The following EBF1 variants were observed in gnomAD, a reference collection of about 807,000 sequenced individuals.
The protein encoded by EBF1 is EBF transcription factor 1.
Under a neutral mutation model 68.4 loss-of-function variants are expected in EBF1, and 10 were observed. The ratio of observed to expected loss-of-function variants is 0.15; its 90% CI spans 0.09 to 0.25. EBF1 has a LOEUF of 0.25. EBF1 is among the 10% of genes least tolerant of loss of function. The probability of loss-of-function intolerance (pLI) is 1.00; values close to 1 mark genes in which losing one functional copy is unlikely to be tolerated. For synonymous variants in EBF1, 298 were observed against 299.8 expected (o/e 0.99, Z 0.06); for missense variants, 509 against 794.4 (o/e 0.64, Z 4.32).
chr5:158,988,247 T>C (rs1759531995), intron 6 of EBF1, among the ~76,000 whole-genome samples: 1 of 152,176 alleles, frequency 6.6e-6, no homozygotes, highest in Non-Finnish European at 1.5e-5. Context: ...CTTCTCTTCG[T>C]AATTGTACTT....
chr5:158,918,530 A>G (rs1583161069), intron 6 of EBF1, among the ~76,000 whole-genome samples: 1 of 152,246 alleles, frequency 6.6e-6, no homozygotes, highest in African/African-American at 2.4e-5. Context: ...TAAGAGATAA[A>G]GAGATTGAGA....
chr5:158,867,282 G>A (rs138253409), intron 6 of EBF1, among the ~76,000 whole-genome samples: 91 of 152,246 alleles, frequency 6.0e-4, no homozygotes, highest in African/African-American at 1.9e-3. Flanking sequence ...TGGGTGTTGG[G>A]TTGGAAGAGG....
intron 6 of EBF1, among the ~76,000 whole-genome samples, chr5:158,998,970 G>A (rs185687837): frequency 1.6e-4 from 24 of 152,004 alleles, no homozygotes; most frequent in South Asian, 6.2e-4. Flanking sequence ...TACACCCAAA[G>A]CATTTCTCTG....
chr5:159,001,009 T>C (rs1762421782), intron 6 of EBF1, among the ~76,000 whole-genome samples: 1 of 152,198 alleles, frequency 6.6e-6, no homozygotes, highest in Non-Finnish European at 1.5e-5. Context: ...CCTCTTTTTT[T>C]CCAACTATAT....
At chr5:158,770,970 T>G (rs941701712) in intron 10 of EBF1, among the ~76,000 whole-genome samples, 1 of 152,192 alleles carries the variant, frequency 6.6e-6, no homozygotes, top group African/African-American at 2.4e-5. Flanking sequence ...TTTCAGGACT[T>G]GGCCTAGAAC....
Position 158,823,283 on chromosome 5 carries a change from T to A in EBF1, c.671A>T (p.His224Leu). 1 of 1,613,904 alleles carries A rather than the reference T, an allele frequency of 6.2e-7. No individual in the cohort carries two copies. Among genetic ancestry groups the A allele is most frequent in the Non-Finnish European group, 8.5e-7 (1 of 1,179,882 alleles). ...VVSTTVNVDG[H>L]VLAVSDNMFV... ...CATGTTATCAGAGACTGCCAGGACA[T>A]GGCCATCCACATTGACTGTCGTAGA... Residue 224 changes from histidine (H) to leucine (L), a missense_variant, in exon 8 of 16, where the codon CAT (histidine) becomes CTT (leucine). Transcript: ENST00000313708.
At chr5:158,805,667 C>T (rs1024530834) in intron 8 of EBF1, among the ~76,000 whole-genome samples, 2 of 151,966 alleles carry the variant, frequency 1.3e-5, no homozygotes, top group Non-Finnish European at 2.9e-5. Flanking sequence ...TTTTGTCTTT[C>T]TCTTCCTATT....
chr5:158,897,121 A>G (rs1802327930), intron 6 of EBF1, among the ~76,000 whole-genome samples: 1 of 152,202 alleles, frequency 6.6e-6, no homozygotes. Context: ...ATGAACGTGT[A>G]TGTTCATGCA....
intron 10 of EBF1, among the ~76,000 whole-genome samples, chr5:158,744,128 TG>T (rs1414016529): frequency 6.6e-6 from 1 of 151,686 alleles, no homozygotes; most frequent in Non-Finnish European, 1.5e-5. Context: ...CACTGCAGCC[TG>T]GGCAACAAAG....
intron 6 of EBF1, among the ~76,000 whole-genome samples, chr5:159,033,201 C>T (rs1015822693): frequency 6.6e-6 from 1 of 152,194 alleles, no homozygotes; most frequent in African/African-American, 2.4e-5. Flanking sequence ...CACACGTTTA[C>T]CCGCTTTGCA....
At chr5:159,074,208 G>T (rs533302061) in intron 5 of EBF1, among the ~76,000 whole-genome samples, 1 of 152,308 alleles carries the variant, frequency 6.6e-6, no homozygotes, top group South Asian at 2.1e-4. Context: ...AGAAGGAAGA[G>T]CCTATGGGCT....
Position 158,714,103 on chromosome 5 carries a change from C to G in EBF1, c.1191+14G>C. The G allele has an allele frequency of 6.2e-7, 1 of 1,613,984 alleles. No individual in the cohort carries two copies. Among genetic ancestry groups the G allele is most frequent in the South Asian group, 1.1e-5 (1 of 91,072 alleles). Reference sequence around the variant, plus strand: ...TGTGGCAGTCCACACAGGCTAGACACCCACAGCGCTCACCTGGTTGTTGTG... The same window carrying G: ...TGTGGCAGTCCACACAGGCTAGACAGCCACAGCGCTCACCTGGTTGTTGTG... On this transcript the variant is annotated intron_variant, in intron 12 of 15. Coordinates refer to ENST00000313708, the MANE Select transcript of EBF1 (RefSeq NM_024007.5).
chr5:158,885,113 T>G (rs1018759683), intron 6 of EBF1, among the ~76,000 whole-genome samples: 33 of 152,200 alleles, frequency 2.2e-4, no homozygotes, highest in African/African-American at 8.0e-4. Context: ...GGTCTATGAC[T>G]GTTTGGGGAT....
At chr5:158,967,523 C>G (rs1754414783) in intron 6 of EBF1, among the ~76,000 whole-genome samples, 1 of 152,170 alleles carries the variant, frequency 6.6e-6, no homozygotes, top group African/African-American at 2.4e-5. Flanking sequence ...TAATCTAAAA[C>G]TCATCCATAT....
In EBF1 at chr5:158,701,815, G is replaced by T. The variant is rs143942607; in HGVS notation, c.1745-2673C>A. On this transcript the variant is annotated intron_variant, in intron 15 of 15. Transcript: ENST00000313708. ...ATATATGGGTCTAGGGGGTGGGTTTGGCCCACTCCTACTTTCCTACCTCGC... is the reference window on the plus strand; with the variant it reads ...ATATATGGGTCTAGGGGGTGGGTTTTGCCCACTCCTACTTTCCTACCTCGC... Among the ~76,000 whole-genome samples, 1,362 of 152,248 alleles carry T rather than the reference G, an allele frequency of 8.9e-3. 26 individuals are homozygous for T. The highest frequency in any genetic ancestry group is 0.031 in the African/African-American group (1,295 of 41,532).
At chr5:158,865,238 C>T (rs954446149) in intron 6 of EBF1, among the ~76,000 whole-genome samples, 6 of 152,146 alleles carry the variant, frequency 3.9e-5, no homozygotes, top group African/African-American at 1.4e-4. Flanking sequence ...CACCCCTCCT[C>T]AATTATGCCA....
At chr5:158,856,435 T>G (rs555627432) in intron 6 of EBF1, among the ~76,000 whole-genome samples, 1 of 152,224 alleles carries the variant, frequency 6.6e-6, no homozygotes, top group African/African-American at 2.4e-5. Flanking sequence ...CCTTGAATTA[T>G]GGAAGCAAGT....
intron 10 of EBF1, among the ~76,000 whole-genome samples, chr5:158,770,633 C>A (rs1352790370): frequency 1.3e-5 from 2 of 152,078 alleles, no homozygotes; most frequent in African/African-American, 4.8e-5. Flanking sequence ...TACAGCCGTC[C>A]AAGGTACCGT....
At chr5:158,713,744 C>T (rs1759998804) in intron 12 of EBF1, among the ~76,000 whole-genome samples, 1 of 152,320 alleles carries the variant, frequency 6.6e-6, no homozygotes, top group East Asian at 1.9e-4. Context: ...GCAGACAATA[C>T]TATTCAGGCC....
Sources: allele counts gnomAD v4.1 joint callset (sites outside exome capture counted in the v4.1 genomes callset), GRCh38; gene constraint gnomAD v4.1.1; transcripts MANE v1.5; gene names NCBI Gene and HGNC (gene_info 2026-07-23, HGNC 2026-07-21).